Variants in CCDC3 observed in about 807,000 individuals in gnomAD.
CCDC3 encodes coiled-coil domain containing 3.
A neutral mutation model predicts 21.4 loss-of-function variants in CCDC3; 24 were observed. That is an observed-to-expected ratio of 1.12 (90% CI 0.81 to 1.58). CCDC3 has a LOEUF of 1.58. CCDC3 is among the 40% of genes most tolerant of loss of function. The pLI is 0.00. For missense variants in CCDC3, 425 were observed against 360.9 expected, an observed-to-expected ratio of 1.18 and a Z score of -1.44; for synonymous variants, 186 against 166.0, an observed-to-expected ratio of 1.12 and a Z score of -0.93.
chr10:12,950,684 G>A (rs1378042949), intron 2 of CCDC3, among the ~76,000 whole-genome samples: 3 of 152,158 alleles, frequency 2.0e-5, no homozygotes, highest in Admixed American at 6.5e-5. Context: ...GAAGGCAAAT[G>A]CAAACATTTC....
chr10:13,096,707 C>T (rs1832632551), intron 3 of CCDC3, among the ~76,000 whole-genome samples: 2 of 152,184 alleles, frequency 1.3e-5, no homozygotes, highest in South Asian at 4.1e-4. Flanking sequence ...CAATGACAAG[C>T]CTGGGCAGCA....
intron 4 of CCDC3, among the ~76,000 whole-genome samples, chr10:13,052,062 A>G (rs1836615303): frequency 6.6e-6 from 1 of 152,154 alleles, no homozygotes; most frequent in Non-Finnish European, 1.5e-5. Flanking sequence ...AGAAGGTGCA[A>G]ATTACTAGGG....
At chr10:13,059,222 C>T (rs1028099150) in intron 4 of CCDC3, among the ~76,000 whole-genome samples, 1 of 152,158 alleles carries the variant, frequency 6.6e-6, no homozygotes, top group Non-Finnish European at 1.5e-5. Context: ...GCCAAGGCAA[C>T]CTTGGAAGCC....
At chr10:12,955,729 T>C (rs527511648) in intron 2 of CCDC3, among the ~76,000 whole-genome samples, 56 of 151,788 alleles carry the variant, frequency 3.7e-4, no homozygotes, top group African/African-American at 1.3e-3. Flanking sequence ...ATTTTTGTGT[T>C]TGTTTTTTGT....
intron 4 of CCDC3, among the ~76,000 whole-genome samples, chr10:13,062,905 A>G (rs912992364): frequency 4.1e-4 from 62 of 151,924 alleles, no homozygotes; most frequent in African/African-American, 1.5e-3. Flanking sequence ...AAACTTGCTC[A>G]TCTGCTCTTA....
At chr10:12,957,318 C>T (rs933358973) in intron 2 of CCDC3, among the ~76,000 whole-genome samples, 9 of 152,186 alleles carry the variant, frequency 5.9e-5, no homozygotes, top group Non-Finnish European at 8.8e-5. Context: ...AGCTCTATAC[C>T]GAAGCCTCTC....
chr10:12,948,079 G>T (rs1030957833), intron 2 of CCDC3, among the ~76,000 whole-genome samples: 3 of 152,144 alleles, frequency 2.0e-5, no homozygotes, highest in African/African-American at 7.2e-5. Context: ...ATCCCCATGG[G>T]TTGTGGCAGG....
At chr10:13,024,811 T>C (rs568577801) in intron 5 of CCDC3, among the ~76,000 whole-genome samples, 36 of 152,298 alleles carry the variant, frequency 2.4e-4, no homozygotes, top group African/African-American at 8.7e-4. Flanking sequence ...CTATTTCCCA[T>C]ATTACCAAGG....
At chr10:12,978,315 G>A (rs536771182) in intron 2 of CCDC3, among the ~76,000 whole-genome samples, 31 of 152,286 alleles carry the variant, frequency 2.0e-4, no homozygotes, top group African/African-American at 7.2e-4. Flanking sequence ...CACCGCACCT[G>A]GCCATATTTT....
At position 12,897,188 on chromosome 10, in the gene CCDC3, G is replaced by A. The variant is rs1421971366; in HGVS notation, c.*1228C>T. ...GGCCCTTGTTGGGTTGAAAGGCCAT[G>A]ATCAGAAGATAACCCAGAAAAGGCC... On this transcript the variant is annotated 3_prime_UTR_variant, in exon 3 of 3. Coordinates refer to ENST00000378825, the MANE Select transcript of CCDC3 (RefSeq NM_031455.4). 2 of 152,260 alleles carry A rather than the reference G, an allele frequency of 1.3e-5. No individual in the cohort carries two copies. The highest frequency in any genetic ancestry group is 1.3e-4 in the Admixed American group (2 of 15,282). 9.4% of individuals were successfully genotyped at this position (152,260 alleles called of 1,614,324 possible).
chr10:13,008,399 G>GT (rs1835948829), intron 5 of CCDC3, among the ~76,000 whole-genome samples: 1 of 152,172 alleles, frequency 6.6e-6, no homozygotes, highest in African/African-American at 2.4e-5. Context: ...TCCATGTTGG[G>GT]GAAGGCAGCA....
At chr10:12,963,055 C>T (rs1450184838) in intron 2 of CCDC3, among the ~76,000 whole-genome samples, 1 of 152,120 alleles carries the variant, frequency 6.6e-6, no homozygotes, top group Non-Finnish European at 1.5e-5. Context: ...GTTAAGAGAC[C>T]TTGGCTGTTT....
chr10:12,907,251 C>A (rs1398776507), intron 2 of CCDC3, among the ~76,000 whole-genome samples: 2 of 152,152 alleles, frequency 1.3e-5, no homozygotes, highest in African/African-American at 2.4e-5. Context: ...AAGTCATTTT[C>A]AATGACTCGA....
chr10:13,008,854 G>T (rs1029394952), intron 5 of CCDC3, among the ~76,000 whole-genome samples: 3 of 152,160 alleles, frequency 2.0e-5, no homozygotes, highest in Non-Finnish European at 4.4e-5. Context: ...AAGACTGAGT[G>T]CTTTCCCTTA....
chr10:13,090,078 T>C (rs1832546379), intron 3 of CCDC3, among the ~76,000 whole-genome samples: 1 of 139,328 alleles, frequency 7.2e-6, no homozygotes, highest in African/African-American at 2.7e-5. Context: ...TATATATATA[T>C]CACCGTTTCT....
At chr10:13,038,394 A>C (rs1004495661) in intron 5 of CCDC3, among the ~76,000 whole-genome samples, 2 of 150,318 alleles carry the variant, frequency 1.3e-5, no homozygotes, top group African/African-American at 4.9e-5. Flanking sequence ...AAAAAAAAAG[A>C]AAGCTGGAAG....
In CCDC3 at chr10:13,001,379, C is replaced by T. The variant is rs753630287; in HGVS notation, c.192G>A (p.Trp64Ter). ...EAPGLYNHLPWQYHAGQGGLF... is the reference protein window; with the variant it reads ...EAPGLYNHLP ...GGCCCCCCTGGCCGGCGTGGTACTG[C>T]CAGGGCAGGTGGTTGTAGAGGCCGG... Residue 64 changes from tryptophan (W) to a stop codon, truncating the protein, a stop_gained, in exon 1 of 3, where the codon TGG (tryptophan) becomes TGA (stop). Transcript: ENST00000378825. LOFTEE classifies it high-confidence loss of function. 5 of 1,589,840 alleles carry T rather than the reference C, an allele frequency of 3.1e-6. No individual in the cohort carries two copies. The Admixed American group carries it at 8.9e-5, about 28-fold the overall frequency.
At chr10:13,007,459 T>G (rs928389312) in intron 5 of CCDC3, among the ~76,000 whole-genome samples, 1 of 152,234 alleles carries the variant, frequency 6.6e-6, no homozygotes, top group African/African-American at 2.4e-5. Flanking sequence ...AGTATTATAT[T>G]CTGCCCACTT....
At chr10:12,904,752 A>G (rs1393535243) in intron 2 of CCDC3, among the ~76,000 whole-genome samples, 1 of 152,110 alleles carries the variant, frequency 6.6e-6, no homozygotes, top group Non-Finnish European at 1.5e-5. Flanking sequence ...CAACATCTTG[A>G]GCAGTTAAGG....
Sources: allele counts gnomAD v4.1 joint callset (sites outside exome capture counted in the v4.1 genomes callset), GRCh38; gene constraint gnomAD v4.1.1; transcripts MANE v1.5; gene names NCBI Gene and HGNC (gene_info 2026-07-23, HGNC 2026-07-21).